Variants in PTPRK observed in about 807,000 individuals in gnomAD.
PTPRK encodes protein tyrosine phosphatase receptor type K.
Under a neutral mutation model 178.0 loss-of-function variants are expected in PTPRK, and 75 were observed. That is an observed-to-expected ratio of 0.42 (90% CI 0.35 to 0.51). The LOEUF (loss-of-function observed/expected upper bound fraction) is 0.51, where lower values mean the gene tolerates loss of function less well. Ranked by LOEUF, PTPRK falls within the 20% of genes least tolerant of loss-of-function variation. PTPRK has a pLI of 0.02. For missense variants in PTPRK, 1,441 were observed against 1,797.8 expected (o/e 0.80, Z 3.59); for synonymous variants, 637 against 620.6 (o/e 1.03, Z -0.39).
At chr6:128,334,314 CAAT>C (rs1342884758) in intron 2 of PTPRK, among the ~76,000 whole-genome samples, 3 of 152,032 alleles carry the variant, frequency 2.0e-5, no homozygotes, top group African/African-American at 7.2e-5. Context: ...AGGCAAAGCA[CAAT>C]AAAACAAGGT....
intron 2 of PTPRK, among the ~76,000 whole-genome samples, chr6:128,349,675 C>T (rs1163477716): frequency 6.6e-6 from 1 of 151,832 alleles, no homozygotes; most frequent in Non-Finnish European, 1.5e-5. Flanking sequence ...GTGTCATAGG[C>T]TTTATTTGTA....
intron 1 of PTPRK, among the ~76,000 whole-genome samples, chr6:128,455,262 A>G (rs1848256832): frequency 6.6e-6 from 1 of 152,138 alleles, no homozygotes; most frequent in Non-Finnish European, 1.5e-5. Flanking sequence ...AAAATAAATA[A>G]ATAGATCCAA....
At chr6:128,493,268 C>T (rs1278359934) in intron 1 of PTPRK, among the ~76,000 whole-genome samples, 2 of 152,064 alleles carry the variant, frequency 1.3e-5, no homozygotes, top group Non-Finnish European at 2.9e-5. Context: ...AGTCAATGTA[C>T]CCCCCGCTAA....
chr6:128,152,713 T>C (rs1404011823), intron 7 of PTPRK, among the ~76,000 whole-genome samples: 7 of 151,808 alleles, frequency 4.6e-5, no homozygotes, highest in Non-Finnish European at 1.0e-4. Flanking sequence ...AAGACGGTGA[T>C]AAAGTGAAAA....
intron 3 of PTPRK, among the ~76,000 whole-genome samples, chr6:128,292,741 T>C (rs1823602633): frequency 6.6e-6 from 1 of 152,156 alleles, no homozygotes; most frequent in African/African-American, 2.4e-5. Context: ...TGTTAACTAG[T>C]ACATTGACAT....
intron 8 of PTPRK, among the ~76,000 whole-genome samples, chr6:128,087,088 C>A (rs945893644): frequency 5.3e-5 from 8 of 152,076 alleles, no homozygotes; most frequent in African/African-American, 1.9e-4. Context: ...CAAAGCAACT[C>A]ATTCCTTGAT....
chr6:128,012,100 T>C (rs1779121910), intron 13 of PTPRK, among the ~76,000 whole-genome samples: 2 of 151,286 alleles, frequency 1.3e-5, no homozygotes, highest in South Asian at 4.1e-4. Flanking sequence ...AATCAAATTC[T>C]CCAAATACAT....
At chr6:128,306,017 C>G (rs1826326153) in intron 3 of PTPRK, among the ~76,000 whole-genome samples, 1 of 152,136 alleles carries the variant, frequency 6.6e-6, no homozygotes, top group Non-Finnish European at 1.5e-5. Context: ...AAGGGGGAAG[C>G]CTCTTATAAA....
intron 1 of PTPRK, among the ~76,000 whole-genome samples, chr6:128,468,921 CA>C (rs375371831): frequency 0.068 from 6,134 of 90,532 alleles, 100 homozygotes; most frequent in South Asian, 0.097. Flanking sequence ...AACACCTTTT[CA>C]AAAAAAAAAA....
intron 6 of PTPRK, among the ~76,000 whole-genome samples, chr6:128,197,029 AAAG>A (rs1168646119): frequency 1.8e-4 from 28 of 152,300 alleles, no homozygotes; most frequent in Admixed American, 5.2e-4. Context: ...ATTATAGAAA[AAAG>A]AAGAAGGTAC....
Position 128,322,095 on chromosome 6 carries a change from T to C in PTPRK, c.439A>G (p.Arg147Gly). 1 of 1,613,484 alleles carries C rather than the reference T, an allele frequency of 6.2e-7. No homozygotes were observed. Among genetic ancestry groups the C allele is most frequent in the Non-Finnish European group, 8.5e-7 (1 of 1,179,492 alleles). The change falls in exon 3 of 30, where the codon AGA becomes GGA. Residue 147 changes from arginine to glycine, a missense_variant. Physicochemically the swap from Arg to Gly is moderately radical, Grantham distance 125. Coordinates refer to ENST00000368226, the MANE Select transcript of PTPRK (RefSeq NM_002844.4). ...PIWNVTGFTG[R>G]DWLRAELAVS... ...GCTAGCTCAGCCCGAAGCCAATCTC[T>C]ACCCGTGAATCCAGTCACATTCCAA...
chr6:128,215,365 C>T (rs751780328), intron 6 of PTPRK, among the ~76,000 whole-genome samples: 5 of 152,148 alleles, frequency 3.3e-5, no homozygotes, highest in Non-Finnish European at 7.4e-5. Flanking sequence ...AAGCTTGGTG[C>T]ATTCAGTTTG....
chr6:128,176,497 A>G (rs950114703), intron 7 of PTPRK, among the ~76,000 whole-genome samples: 1 of 151,838 alleles, frequency 6.6e-6, no homozygotes, highest in Non-Finnish European at 1.5e-5. Flanking sequence ...ATGTAGTGAC[A>G]GCTGAATTTG....
chr6:128,218,857 T>C, intron 6 of PTPRK, 65 bp downstream of exon 6: 1 of 1,361,506 alleles, frequency 7.3e-7, no homozygotes, highest in South Asian at 1.4e-5. Flanking sequence ...TCAAAATATC[T>C]ACAGAGTTGC....
chr6:128,096,373 T>C (rs554300652), intron 7 of PTPRK, among the ~76,000 whole-genome samples: 2 of 152,142 alleles, frequency 1.3e-5, no homozygotes, highest in East Asian at 3.8e-4. Flanking sequence ...AGATAACAGA[T>C]AAAAGGGAAT....
At chr6:128,309,242 C>T (rs548787996) in intron 3 of PTPRK, among the ~76,000 whole-genome samples, 1 of 152,270 alleles carries the variant, frequency 6.6e-6, no homozygotes. Flanking sequence ...CATCACCTCT[C>T]CTACTCTCAA....
chr6:128,132,830 T>G (rs1794461101), intron 7 of PTPRK, among the ~76,000 whole-genome samples: 1 of 152,228 alleles, frequency 6.6e-6, no homozygotes, highest in Non-Finnish European at 1.5e-5. Flanking sequence ...CCTTTTATAA[T>G]GCTTTGTTGC....
At chr6:128,516,523 C>CT (rs1254622991) in intron 1 of PTPRK, among the ~76,000 whole-genome samples, 1 of 152,122 alleles carries the variant, frequency 6.6e-6, no homozygotes, top group Non-Finnish European at 1.5e-5. Flanking sequence ...ACAGGCAAAC[C>CT]TTAAAGCAAG....
intron 3 of PTPRK, among the ~76,000 whole-genome samples, chr6:128,249,639 G>A (rs1312899548): frequency 6.6e-6 from 1 of 152,156 alleles, no homozygotes; most frequent in African/African-American, 2.4e-5. Context: ...AAACAGAGGT[G>A]TGACCTTTGG....
Sources: allele counts gnomAD v4.1 joint callset (sites outside exome capture counted in the v4.1 genomes callset), GRCh38; gene constraint gnomAD v4.1.1; transcripts MANE v1.5; gene names NCBI Gene and HGNC (gene_info 2026-07-23, HGNC 2026-07-21).